Variants in CIMAP1D observed in about 807,000 individuals in gnomAD.
CIMAP1D encodes CIMAP1 family member D, also known as protein CIMAP1D.
chr19:480,514 G>GGAGAAGAAATGT, the CIMAP1D span, among the ~76,000 whole-genome samples: 3 of 102,196 alleles, frequency 2.9e-5, no homozygotes, highest in African/African-American at 3.0e-4. Context: ...GAAGGATGAT[G>GGAGAAGAAATGT]GGGAAGGATG....
chr19:479,284 A>T, the CIMAP1D span, among the ~76,000 whole-genome samples: 1 of 152,108 alleles, frequency 6.6e-6, no homozygotes, highest in African/African-American at 2.4e-5. Flanking sequence ...CAGCTGCTCA[A>T]TCGTTACCTC....
the CIMAP1D span, among the ~76,000 whole-genome samples, chr19:471,891 C>A: frequency 6.6e-6 from 1 of 151,716 alleles, no homozygotes; most frequent in Non-Finnish European, 1.5e-5. Flanking sequence ...TACAGGCGCC[C>A]GCCACCACGC....
chr19:464,890 T>TGATGGATGGATG, the CIMAP1D span, among the ~76,000 whole-genome samples: 2 of 148,184 alleles, frequency 1.3e-5, no homozygotes, highest in East Asian at 2.0e-4. Context: ...GATGAGTGGA[T>TGATGGATGGATG]GATGGATGGA....
the CIMAP1D span, chr19:467,738 C>T: frequency 7.5e-6 from 12 of 1,607,118 alleles, no homozygotes; most frequent in Non-Finnish European, 1.0e-5. Context: ...GTAGATGGGG[C>T]CCGGGCTGGT....
chr19:471,904 G>A, the CIMAP1D span, among the ~76,000 whole-genome samples: 5 of 151,942 alleles, frequency 3.3e-5, no homozygotes, highest in Admixed American at 2.6e-4. Flanking sequence ...CACCACGCCC[G>A]GCTAATTTTT....
chr19:483,780 C>T, the CIMAP1D span, among the ~76,000 whole-genome samples: 16 of 152,340 alleles, frequency 1.1e-4, no homozygotes, highest in African/African-American at 2.6e-4. Flanking sequence ...CCCCATGGGG[C>T]CGGCTCTGGG....
chr19:478,456 C>T, the CIMAP1D span, among the ~76,000 whole-genome samples: 4 of 152,270 alleles, frequency 2.6e-5, no homozygotes, highest in African/African-American at 7.2e-5. Context: ...CCGGCCAAGC[C>T]GACAGCATGT....
the CIMAP1D span, among the ~76,000 whole-genome samples, chr19:484,221 A>G: frequency 1.4e-5 from 2 of 147,994 alleles, no homozygotes; most frequent in African/African-American, 5.0e-5. Flanking sequence ...GCTCACCACA[A>G]TCTCTGCCTC....
the CIMAP1D span, among the ~76,000 whole-genome samples, chr19:467,241 G>T: frequency 6.6e-6 from 1 of 151,848 alleles, no homozygotes; most frequent in Non-Finnish European, 1.5e-5. Context: ...TAGATGGTTG[G>T]GTGGAGGGTG....
At chr19:479,451 C>CTGGA in the CIMAP1D span, among the ~76,000 whole-genome samples, 1 of 137,792 alleles carries the variant, frequency 7.3e-6, no homozygotes, top group African/African-American at 2.7e-5. Context: ...GTCGCCCAGG[C>CTGGA]TGGAGTGCAG....
chr19:470,601 AGT>A, the CIMAP1D span, among the ~76,000 whole-genome samples: 6 of 152,270 alleles, frequency 3.9e-5, no homozygotes, highest in African/African-American at 1.4e-4. Context: ...CCTGAGTCCC[AGT>A]GTGGGCTGGG....
chr19:472,546 C>A, the CIMAP1D span: 1 of 1,367,552 alleles, frequency 7.3e-7, no homozygotes, highest in East Asian at 2.7e-5. Context: ...CCAGATTCCC[C>A]GAAGAAGGAG....
At chr19:473,070 A>G in the CIMAP1D span, among the ~76,000 whole-genome samples, 7 of 125,514 alleles carry the variant, frequency 5.6e-5, no homozygotes, top group South Asian at 8.4e-4. Context: ...ACGGTCACAG[A>G]TGGGGAGACT....
the CIMAP1D span, chr19:464,034 C>A: frequency 1.2e-6 from 2 of 1,601,058 alleles, no homozygotes; most frequent in Non-Finnish European, 1.7e-6. Context: ...GGCCCGGGGC[C>A]GCCCCAGCAT....
chr19:489,004 C>T, the CIMAP1D span, among the ~76,000 whole-genome samples: 1 of 152,078 alleles, frequency 6.6e-6, no homozygotes, highest in Non-Finnish European at 1.5e-5. Context: ...ACTCGGAGGA[C>T]CGCGGGCTAG....
the CIMAP1D span, among the ~76,000 whole-genome samples, chr19:470,912 CAAGGCCACCA>C: frequency 6.6e-6 from 1 of 152,156 alleles, no homozygotes; most frequent in South Asian, 2.1e-4. Context: ...CACCATGGGG[CAAGGCCACCA>C]GCCTGTGGCA....
the CIMAP1D span, among the ~76,000 whole-genome samples, chr19:464,842 G>A: frequency 4.6e-5 from 7 of 152,204 alleles, no homozygotes; most frequent in Non-Finnish European, 1.0e-4. Context: ...TGGTTGAGCG[G>A]GGAGTGAATG....
chr19:485,370 A>G, the CIMAP1D span, among the ~76,000 whole-genome samples: 1 of 152,240 alleles, frequency 6.6e-6, no homozygotes, highest in Non-Finnish European at 1.5e-5. Flanking sequence ...CCGCCTGCCC[A>G]GAACAGGTGC....
chr19:467,530 T>A, the CIMAP1D span: 4 of 778,626 alleles, frequency 5.1e-6, no homozygotes, highest in Admixed American at 5.3e-5. Flanking sequence ...ATTTGATCAC[T>A]CCAAAGACTC....
Sources: allele counts gnomAD v4.1 joint callset (sites outside exome capture counted in the v4.1 genomes callset), GRCh38; gene constraint gnomAD v4.1.1; transcripts MANE v1.5; gene names NCBI Gene and HGNC (gene_info 2026-07-23, HGNC 2026-07-21).